The following PAH variants were observed in gnomAD, a reference collection of about 807,000 sequenced individuals.
The protein encoded by PAH is phenylalanine-4-hydroxylase.
Under a neutral mutation model 62.0 loss-of-function variants are expected in PAH, and 64 were observed. That is an observed-to-expected ratio of 1.03 (90% CI 0.84 to 1.27). PAH has a LOEUF of 1.27. PAH is among the 50% of genes most tolerant of loss of function. The pLI is 0.00. For synonymous variants in PAH, 195 were observed against 196.2 expected (o/e 0.99, Z 0.05); for missense variants, 579 against 542.8 (o/e 1.07, Z -0.66).
At chr12:102,854,910 A>G (rs1168318157) in intron 6 of PAH, 1 of 602,060 alleles carries the variant, frequency 1.7e-6, no homozygotes. Context: ...GGCAAAATCC[A>G]CAGCCTCAGG....
chr12:102,932,008 T>C (rs1187809387), intron 1 of PAH, among the ~76,000 whole-genome samples: 3 of 152,164 alleles, frequency 2.0e-5, no homozygotes, highest in Non-Finnish European at 4.4e-5. Context: ...AATGGCGGTG[T>C]GTGTGCTGAA....
At chr12:102,877,246 T>G (rs974431761) in intron 4 of PAH, 2 of 604,638 alleles carry the variant, frequency 3.3e-6, no homozygotes, top group African/African-American at 3.7e-5. Flanking sequence ...TTCTGGACAG[T>G]GATTTATATT....
At chr12:102,909,270 C>T (rs895814874) in intron 2 of PAH, among the ~76,000 whole-genome samples, 1 of 152,114 alleles carries the variant, frequency 6.6e-6, no homozygotes, top group Non-Finnish European at 1.5e-5. Context: ...TTGATTTTTT[C>T]TCTCATGGTT....
At chr12:102,891,760 C>T (rs1877284800) in intron 3 of PAH, among the ~76,000 whole-genome samples, 1 of 152,162 alleles carries the variant, frequency 6.6e-6, no homozygotes, top group South Asian at 2.1e-4. Flanking sequence ...TAAGAACCTC[C>T]TTTCTGAGCC....
intron 3 of PAH, among the ~76,000 whole-genome samples, chr12:102,880,973 T>C (rs564933389): frequency 1.3e-5 from 2 of 150,144 alleles, no homozygotes; most frequent in Non-Finnish European, 3.0e-5. Context: ...TATATTTACA[T>C]AATTATATTT....
At chr12:102,871,936 AAAAAAAAAAAAAAATATATATAT>A (rs1318836404) in intron 4 of PAH, among the ~76,000 whole-genome samples, 1,533 of 90,136 alleles carry the variant, frequency 0.017, 7 homozygotes, top group African/African-American at 0.029. Context: ...AAAAAAAAAA[AAAAAAAAAAAAAAATATATATAT>A]ATATATATAT....
chr12:102,912,457 T>C (rs1394286041), intron 2 of PAH, among the ~76,000 whole-genome samples: 1 of 152,128 alleles, frequency 6.6e-6, no homozygotes, highest in Non-Finnish European at 1.5e-5. Context: ...ACATGTTATG[T>C]GAAATGTAAT....
chr12:102,867,950 CATATATAGATGTATATATACAT>C (rs1565854416), intron 4 of PAH, among the ~76,000 whole-genome samples: 5 of 95,930 alleles, frequency 5.2e-5, no homozygotes, highest in Non-Finnish European at 1.1e-4. Flanking sequence ...CATGTATATA[CATATATAGATGTATATATACAT>C]GTATATATAG....
intron 4 of PAH, among the ~76,000 whole-genome samples, chr12:102,870,950 T>A (rs2136670707): frequency 6.6e-6 from 1 of 152,234 alleles, no homozygotes; most frequent in African/African-American, 2.4e-5. Flanking sequence ...TTGTTTTACT[T>A]CCCCCTTCTC....
At chr12:102,878,137 A>G (rs2136680111) in intron 3 of PAH, among the ~76,000 whole-genome samples, 1 of 152,296 alleles carries the variant, frequency 6.6e-6, no homozygotes, top group South Asian at 2.1e-4. Flanking sequence ...TAGCAGCAGA[A>G]TATTACATAT....
chr12:102,924,369 T>A (rs561317827), intron 1 of PAH, among the ~76,000 whole-genome samples: 37 of 151,364 alleles, frequency 2.4e-4, no homozygotes, highest in African/African-American at 4.1e-4. Flanking sequence ...GTTTTTTTTT[T>A]AAATTAAGCT....
At chr12:102,849,717 AC>A (rs1351502321) in intron 8 of PAH, among the ~76,000 whole-genome samples, 4 of 152,186 alleles carry the variant, frequency 2.6e-5, no homozygotes, top group African/African-American at 9.7e-5. Flanking sequence ...TAAATCCAAG[AC>A]CAAAATGGCG....
chr12:102,914,129 C>G (rs1045031113), intron 1 of PAH, among the ~76,000 whole-genome samples: 3 of 152,002 alleles, frequency 2.0e-5, no homozygotes, highest in Non-Finnish European at 4.4e-5. Context: ...CAGATTTTTG[C>G]CAAAACATCC....
At chr12:102,935,140 T>A (rs1219094431) in intron 1 of PAH, among the ~76,000 whole-genome samples, 2 of 152,158 alleles carry the variant, frequency 1.3e-5, no homozygotes, top group Non-Finnish European at 2.9e-5. Context: ...TTTTTCAGCA[T>A]CAGTTGAAAT....
intron 4 of PAH, among the ~76,000 whole-genome samples, chr12:102,870,920 A>T (rs1275263298): frequency 6.6e-6 from 1 of 152,198 alleles, no homozygotes; most frequent in Non-Finnish European, 1.5e-5. Flanking sequence ...TAGTTGCCCA[A>T]GCCCATAAGC....
intron 2 of PAH, among the ~76,000 whole-genome samples, chr12:102,897,813 G>A (rs1877577308): frequency 6.6e-6 from 1 of 152,136 alleles, no homozygotes; most frequent in Non-Finnish European, 1.5e-5. Context: ...CACAAGGTGG[G>A]TTGTATAATT....
chr12:102,881,081 T>G (rs1400439491), intron 3 of PAH, among the ~76,000 whole-genome samples: 1 of 151,052 alleles, frequency 6.6e-6, no homozygotes, highest in Non-Finnish European at 1.5e-5. Flanking sequence ...TGTTGTTGTC[T>G]CGGCTCACTG....
At chr12:102,950,930 G>A (rs1879731742), upstream of PAH, 1 of 131,786 alleles carries the variant, frequency 7.6e-6, no homozygotes, top group African/African-American at 3.3e-5. Context: ...GAAAGGCAAA[G>A]GAAGGGTCAA....
intron 1 of PAH, chr12:102,946,076 G>A (rs1306623730): frequency 6.6e-6 from 1 of 152,336 alleles, no homozygotes; most frequent in South Asian, 2.1e-4. Context: ...CTGGAATAGG[G>A]ACCTCAGGAC....
Sources: allele counts gnomAD v4.1 joint callset (sites outside exome capture counted in the v4.1 genomes callset), GRCh38; gene constraint gnomAD v4.1.1; transcripts MANE v1.5; gene names NCBI Gene and HGNC (gene_info 2026-07-23, HGNC 2026-07-21).